Variants in ARHGAP10 observed in about 807,000 individuals in gnomAD.
ARHGAP10 encodes Rho GTPase activating protein 10, also known as rho GTPase-activating protein 10.
ARHGAP10 carries 87 observed loss-of-function variants against 108.6 expected under a neutral mutation model. That is an observed-to-expected ratio of 0.80 (90% confidence interval 0.67 to 0.96). ARHGAP10 has a LOEUF of 0.96. Among genes scored for constraint, ARHGAP10 ranks in the 40% least tolerant of loss-of-function variants. The pLI is 0.00. For synonymous variants in ARHGAP10, 347 were observed against 341.1 expected (o/e 1.02, Z -0.19); for missense variants, 939 against 954.5 (o/e 0.98, Z 0.21).
In ARHGAP10 at chr4:148,046,910, C is replaced by T; in HGVS notation, c.1886C>T (p.Ser629Phe). ...ELEDGDNPYP[S>F]KEDTPTSSLD... The stretch of plus-strand genomic sequence containing the variant: ...CTCCTAGGTGACAATCCTTACCCTT[C>T]CAAGGAGGACACCCCTACCAGCAGT... The change falls in exon 20 of 23, where the codon TCC (serine) becomes TTC (phenylalanine). Residue 629 changes from serine to phenylalanine, a missense_variant. By Grantham distance (155) the Ser-to-Phe change is radical. Transcript: ENST00000336498. 6.2e-7 allele frequency: 1 copy of T among 1,613,960 alleles called. No homozygotes were observed. The highest frequency in any genetic ancestry group is 8.5e-7 in the Non-Finnish European group (1 of 1,179,946).
intron 10 of ARHGAP10, among the ~76,000 whole-genome samples, chr4:147,889,613 C>A (rs1480795974): frequency 1.3e-5 from 2 of 152,082 alleles, no homozygotes; most frequent in African/African-American, 4.8e-5. Flanking sequence ...ATATTGGATA[C>A]CTTCTTATAG....
chr4:147,866,534 A>G, intron 6 of ARHGAP10, 178 bp from the exon 7 acceptor site: 1 of 523,918 alleles, frequency 1.9e-6, no homozygotes. Context: ...TTTTCTATAA[A>G]GACCAATTAA....
At chr4:147,740,230 G>A (rs1728605014) in intron 1 of ARHGAP10, among the ~76,000 whole-genome samples, 1 of 151,874 alleles carries the variant, frequency 6.6e-6, no homozygotes, top group Admixed American at 6.6e-5. Flanking sequence ...GCTACGTTTT[G>A]TATTTTTTGT....
At chr4:148,047,835 T>C (rs537393877) in intron 20 of ARHGAP10, among the ~76,000 whole-genome samples, 1 of 152,344 alleles carries the variant, frequency 6.6e-6, no homozygotes, top group African/African-American at 2.4e-5. Flanking sequence ...TTTTTCTTTT[T>C]TTTAAAGATG....
At chr4:148,037,580 A>G (rs981630321) in intron 19 of ARHGAP10, among the ~76,000 whole-genome samples, 2 of 152,124 alleles carry the variant, frequency 1.3e-5, no homozygotes, top group East Asian at 1.9e-4. Flanking sequence ...CACACCTGTA[A>G]TCCCAACCCT....
chr4:147,837,706 A>G (rs975339813), intron 3 of ARHGAP10, among the ~76,000 whole-genome samples: 3 of 126,226 alleles, frequency 2.4e-5, no homozygotes, highest in South Asian at 5.4e-4. Context: ...GGACCATCTC[A>G]TTAGTGGAAC....
In ARHGAP10 at chr4:147,912,570, T is replaced by G. The variant is rs866735070; in HGVS notation, c.1163-504T>G. ...ACAAATATATATATATATATATATA[T>G]ATATATATATATATATATATATATA... is the stretch of plus-strand genomic sequence containing the variant. On this transcript the variant is annotated intron_variant, in intron 12 of 22. Coordinates refer to ENST00000336498, the MANE Select transcript of ARHGAP10 (RefSeq NM_024605.4). 1.7e-3 allele frequency among the ~76,000 whole-genome samples: 183 copies of G among 108,268 alleles called. 2 individuals carry two copies. The highest frequency in any genetic ancestry group is 2.2e-3 in the African/African-American group (39 of 17,946). The allele number at this position is 108,268 out of a possible 152,430, so 71.0% of individuals were successfully genotyped here.
At chr4:147,797,399 C>T (rs1560763648) in intron 1 of ARHGAP10, among the ~76,000 whole-genome samples, 2 of 151,910 alleles carry the variant, frequency 1.3e-5, no homozygotes, top group South Asian at 2.1e-4. Flanking sequence ...CATGGTCCAA[C>T]GTACCCTCCC....
intron 18 of ARHGAP10, among the ~76,000 whole-genome samples, chr4:147,996,233 T>A (rs1210423918): frequency 6.6e-6 from 1 of 152,060 alleles, no homozygotes; most frequent in Non-Finnish European, 1.5e-5. Flanking sequence ...GAAACCTCTA[T>A]CATAAACACC....
At chr4:147,950,653 T>C (rs975357437) in intron 15 of ARHGAP10, among the ~76,000 whole-genome samples, 6 of 152,112 alleles carry the variant, frequency 3.9e-5, no homozygotes, top group Admixed American at 2.6e-4. Context: ...GAAAAGTATG[T>C]GCAGTGGACC....
intron 18 of ARHGAP10, among the ~76,000 whole-genome samples, chr4:147,970,919 C>T (rs1298497908): frequency 6.6e-6 from 1 of 152,038 alleles, no homozygotes; most frequent in Non-Finnish European, 1.5e-5. Context: ...AAAACCCCAT[C>T]TCTACTTAAA....
At chr4:147,739,100 T>G (rs1728547012) in intron 1 of ARHGAP10, among the ~76,000 whole-genome samples, 1 of 148,174 alleles carries the variant, frequency 6.7e-6, no homozygotes, top group East Asian at 2.0e-4. Flanking sequence ...GGCAGGAGAG[T>G]TGCTTGAATC....
intron 18 of ARHGAP10, among the ~76,000 whole-genome samples, chr4:148,006,674 A>G (rs1308041609): frequency 1.3e-5 from 2 of 152,242 alleles, no homozygotes; most frequent in Non-Finnish European, 2.9e-5. Context: ...TTAAGGGGAA[A>G]AAAGGGAACA....
chr4:148,012,351 A>G (rs755784058), intron 18 of ARHGAP10, among the ~76,000 whole-genome samples: 17 of 152,190 alleles, frequency 1.1e-4, no homozygotes, highest in Non-Finnish European at 1.8e-4. Context: ...AGGAACATTT[A>G]TACCTTTTAA....
rs564567493 is a variant in ARHGAP10, at chr4:147,801,702, A to G, written c.155-21025A>G. Among the ~76,000 whole-genome samples the G allele has an allele frequency of 2.0e-5, 3 of 152,340 alleles. No homozygotes were observed. The South Asian group carries it at 6.2e-4, about 32-fold the overall frequency. ...AAAGAATATAATGAAGGTTGGTGGCACCACCCAAGCGAATTAATCTCATAG... is the reference window on the plus strand; with the variant it reads ...AAAGAATATAATGAAGGTTGGTGGCGCCACCCAAGCGAATTAATCTCATAG... On this transcript the variant is annotated intron_variant, in intron 1 of 22. Coordinates refer to ENST00000336498, the MANE Select transcript of ARHGAP10 (RefSeq NM_024605.4).
chr4:148,007,136 G>A (rs1461449298), intron 18 of ARHGAP10, among the ~76,000 whole-genome samples: 1 of 152,222 alleles, frequency 6.6e-6, no homozygotes, highest in African/African-American at 2.4e-5. Flanking sequence ...ACTGTTTAGA[G>A]AGCTAAATAA....
chr4:147,737,745 A>G (rs1295678121), intron 1 of ARHGAP10, among the ~76,000 whole-genome samples: 1 of 152,184 alleles, frequency 6.6e-6, no homozygotes, highest in African/African-American at 2.4e-5. Flanking sequence ...TGTGAAAATA[A>G]TTACAATCAG....
chr4:147,919,567 AT>A (rs67509221), intron 13 of ARHGAP10, among the ~76,000 whole-genome samples: 106,438 of 150,044 alleles, frequency 0.71, 43,850 homozygotes, highest in Non-Finnish European at 0.92. Flanking sequence ...TTTAAAAACA[AT>A]TTTTTTTTCT....
Position 147,735,746 on chromosome 4 carries a change from C to T in ARHGAP10, c.154+3291C>T, listed in dbSNP as rs142538477. 4.9e-3 allele frequency among the ~76,000 whole-genome samples: 753 copies of T among 152,284 alleles called. 2 individuals carry two copies. The highest frequency in any genetic ancestry group is 0.01 in the Middle Eastern group (3 of 294). On this transcript the variant is annotated intron_variant, in intron 1 of 22. Coordinates refer to ENST00000336498, the MANE Select transcript of ARHGAP10 (RefSeq NM_024605.4). ...AGGAACTCCAGAGAGAAGAGCCAGT[C>T]ATTTTAGTGGTGGATTTGGAGATTA...
Sources: allele counts gnomAD v4.1 joint callset (sites outside exome capture counted in the v4.1 genomes callset), GRCh38; gene constraint gnomAD v4.1.1; transcripts MANE v1.5; gene names NCBI Gene and HGNC (gene_info 2026-07-23, HGNC 2026-07-21).